Variants in LRRC4C observed in about 807,000 individuals in gnomAD.
LRRC4C encodes leucine-rich repeat-containing protein 4C.
In LRRC4C, 5 loss-of-function variants were observed where a neutral mutation model predicts 33.6. That is an observed-to-expected ratio of 0.15 (90% CI 0.08 to 0.31). The LOEUF (loss-of-function observed/expected upper bound fraction) is 0.31, where lower values mean the gene tolerates loss of function less well. Among genes scored for constraint, LRRC4C ranks in the 10% least tolerant of loss-of-function variants. The pLI is 1.00. For missense variants in LRRC4C, 560 were observed against 796.7 expected (o/e 0.70, Z 3.58); for synonymous variants, 329 against 302.0 (o/e 1.09, Z -0.93).
intron 1 of LRRC4C, among the ~76,000 whole-genome samples, chr11:41,375,392 C>T (rs576957246): frequency 8.6e-4 from 131 of 152,166 alleles, no homozygotes; most frequent in Admixed American, 3.0e-3. Flanking sequence ...AGAAGCATCA[C>T]CTCTAGACTG....
chr11:40,684,985 A>G (rs902473770), intron 2 of LRRC4C, among the ~76,000 whole-genome samples: 4 of 152,118 alleles, frequency 2.6e-5, no homozygotes, highest in South Asian at 2.1e-4. Context: ...AAAATATAAT[A>G]CACTCATTAG....
chr11:41,215,190 A>C (rs1263972685), intron 1 of LRRC4C, among the ~76,000 whole-genome samples: 3 of 151,680 alleles, frequency 2.0e-5, no homozygotes, highest in Non-Finnish European at 4.4e-5. Flanking sequence ...AATTGAAAAA[A>C]ATTTTTTAAA....
At chr11:40,382,794 C>T (rs548931889) in intron 3 of LRRC4C, among the ~76,000 whole-genome samples, 3 of 149,314 alleles carry the variant, frequency 2.0e-5, no homozygotes, top group Non-Finnish European at 3.0e-5. Flanking sequence ...CCAGGGTTCA[C>T]GCCATTCTCC....
chr11:40,989,056 G>C (rs1304336002), intron 1 of LRRC4C, among the ~76,000 whole-genome samples: 1 of 151,958 alleles, frequency 6.6e-6, no homozygotes, highest in Non-Finnish European at 1.5e-5. Context: ...CGACATACTG[G>C]CTGTTAAATA....
intron 2 of LRRC4C, among the ~76,000 whole-genome samples, chr11:40,927,663 T>A (rs2136429055): frequency 6.6e-6 from 1 of 152,332 alleles, no homozygotes; most frequent in African/African-American, 2.4e-5. Flanking sequence ...GTTGGTTGAT[T>A]TTCCTAACAT....
intron 3 of LRRC4C, among the ~76,000 whole-genome samples, chr11:40,598,252 G>A (rs1362255020): frequency 6.6e-6 from 1 of 152,156 alleles, no homozygotes; most frequent in Non-Finnish European, 1.5e-5. Context: ...TGCTTTTTAA[G>A]CTTTCTTCTA....
intron 2 of LRRC4C, among the ~76,000 whole-genome samples, chr11:40,809,799 G>A (rs914198931): frequency 2.0e-5 from 3 of 152,132 alleles, no homozygotes; most frequent in African/African-American, 4.8e-5. Context: ...AATGGTGGTT[G>A]TTATTAAATT....
At chr11:41,174,834 G>T (rs988394948) in intron 1 of LRRC4C, among the ~76,000 whole-genome samples, 1 of 151,688 alleles carries the variant, frequency 6.6e-6, no homozygotes, top group Admixed American at 6.6e-5. Flanking sequence ...TCTTAGAAAA[G>T]CACCTCAAAT....
intron 2 of LRRC4C, among the ~76,000 whole-genome samples, chr11:40,789,907 A>G (rs1230291741): frequency 1.3e-5 from 2 of 152,220 alleles, no homozygotes; most frequent in Non-Finnish European, 2.9e-5. Flanking sequence ...AACAAATGGC[A>G]ACAGAAGAGG....
intron 3 of LRRC4C, among the ~76,000 whole-genome samples, chr11:40,449,041 T>A (rs923240545): frequency 6.6e-6 from 1 of 152,242 alleles, no homozygotes; most frequent in South Asian, 2.1e-4. Context: ...GCTGCATAAA[T>A]GTCTTCTTTT....
intron 1 of LRRC4C, among the ~76,000 whole-genome samples, chr11:41,299,691 C>G (rs558476352): frequency 1.3e-5 from 2 of 152,206 alleles, no homozygotes; most frequent in Non-Finnish European, 2.9e-5. Flanking sequence ...ATAAAAAGTA[C>G]ATCTTTATTT....
chr11:41,430,340 T>C (rs1955189368), intron 1 of LRRC4C, among the ~76,000 whole-genome samples: 1 of 152,180 alleles, frequency 6.6e-6, no homozygotes, highest in Non-Finnish European at 1.5e-5. Flanking sequence ...GAAAATACTA[T>C]GCTTCTCCTT....
intron 3 of LRRC4C, among the ~76,000 whole-genome samples, chr11:40,614,648 T>C (rs1381032654): frequency 6.6e-6 from 1 of 151,778 alleles, no homozygotes; most frequent in Admixed American, 6.6e-5. Context: ...ACTTGCCTTC[T>C]TCACTGAGCT....
chr11:40,916,164 A>G (rs1285751074), intron 2 of LRRC4C, among the ~76,000 whole-genome samples: 2 of 152,214 alleles, frequency 1.3e-5, no homozygotes, highest in Non-Finnish European at 2.9e-5. Flanking sequence ...CTAGAACTAG[A>G]AATACCATTT....
chr11:40,769,711 C>T (rs1044614149), intron 2 of LRRC4C, among the ~76,000 whole-genome samples: 1 of 152,088 alleles, frequency 6.6e-6, no homozygotes, highest in African/African-American at 2.4e-5. Flanking sequence ...ACAAAGATGT[C>T]AAGAACATAC....
intron 2 of LRRC4C, among the ~76,000 whole-genome samples, chr11:40,668,406 C>T (rs1031603848): frequency 1.1e-4 from 16 of 152,108 alleles, no homozygotes; most frequent in African/African-American, 3.9e-4. Context: ...GAGAGAGAAA[C>T]ACACACACAT....
rs529026140 is a variant in LRRC4C at position 40,953,187 on chromosome 11, C to A, written c.-495-19464G>T. On this transcript the variant is annotated intron_variant, in intron 1 of 6. Transcript: ENST00000528697. ...CATGGAAAATCTATCCCGAGAGGGA[C>A]CCTATTTAGAAAATATAAACTCTAT... Among the ~76,000 whole-genome samples, 19 of 151,956 alleles carry A rather than the reference C, an allele frequency of 1.3e-4. No homozygotes were observed. The South Asian group carries it at 3.7e-3, about 30-fold the overall frequency.
intron 2 of LRRC4C, among the ~76,000 whole-genome samples, chr11:40,688,351 G>A (rs1945062238): frequency 6.6e-6 from 1 of 152,046 alleles, no homozygotes; most frequent in South Asian, 2.1e-4. Flanking sequence ...GCATGGTAAA[G>A]GACACAACAA....
chr11:41,419,952 C>A (rs1954818858), intron 1 of LRRC4C, among the ~76,000 whole-genome samples: 1 of 151,710 alleles, frequency 6.6e-6, no homozygotes, highest in Non-Finnish European at 1.5e-5. Flanking sequence ...TAAAGCAGCA[C>A]CTTTGTACCT....
Sources: allele counts gnomAD v4.1 joint callset (sites outside exome capture counted in the v4.1 genomes callset), GRCh38; gene constraint gnomAD v4.1.1; transcripts MANE v1.5; gene names NCBI Gene and HGNC (gene_info 2026-07-23, HGNC 2026-07-21).